The following ZNF726 variants were observed in gnomAD, a reference collection of about 807,000 sequenced individuals.
ZNF726 encodes zinc finger protein 92 pseudogene 3.
Under a neutral mutation model 11.6 loss-of-function variants are expected in ZNF726, and 15 were observed. That is an observed-to-expected ratio of 1.29 (90% CI 0.86 to 1.99). The LOEUF is 1.99. Among genes scored for constraint, ZNF726 ranks in the 30% most tolerant of loss-of-function variants. The probability of loss-of-function intolerance (pLI) is 0.00; values close to 1 mark genes in which losing one functional copy is unlikely to be tolerated. For missense variants in ZNF726, 890 were observed against 725.6 expected (o/e 1.23, Z -2.60); for synonymous variants, 295 against 243.6 (o/e 1.21, Z -1.96).
intron 1 of ZNF726, chr19:23,918,980 T>C (rs1386187843): frequency 2.6e-5 from 5 of 189,860 alleles, no homozygotes; most frequent in African/African-American, 1.2e-4. Context: ...ATTGTACACA[T>C]TTAAATTTGA....
chr19:23,920,047 A>G lies in ZNF726; in HGVS notation c.191A>G (p.Asn64Ser), dbSNP rs1488498258. Residue 64 changes from asparagine (N) to serine (S), a missense_variant, in exon 3 of 4, where the codon AAT (asparagine) becomes AGT (serine). Transcript: ENST00000594466. ...ICLEKEKEPW[N>S]MKRDEMVDEP... ...CTGGAGAAAGAAAAAGAGCCCTGGA[A>G]TATGAAGCGAGATGAGATGGTGGAT... is the stretch of plus-strand genomic sequence containing the variant. 4 of 1,589,274 alleles carry G rather than the reference A, an allele frequency of 2.5e-6. No individual in the cohort carries two copies. Among genetic ancestry groups the G allele is most frequent in the South Asian group, 1.1e-5 (1 of 90,796 alleles).
At chr19:23,926,838 G>A (rs1476852959) in intron 3 of ZNF726, among the ~76,000 whole-genome samples, 2 of 151,898 alleles carry the variant, frequency 1.3e-5, no homozygotes, top group South Asian at 2.1e-4. Context: ...AATTGTTTTT[G>A]TTATTGTTGA....
At chr19:23,919,578 T>A in intron 2 of ZNF726, 79 bp downstream of exon 2, 3 of 1,456,208 alleles carry the variant, frequency 2.1e-6, no homozygotes, top group Non-Finnish European at 2.7e-6. Flanking sequence ...TTCTGGTAAT[T>A]TATGCTTTCC....
intron 3 of ZNF726, among the ~76,000 whole-genome samples, chr19:23,942,204 T>C (rs1262123406): frequency 6.6e-6 from 1 of 152,134 alleles, no homozygotes; most frequent in Admixed American, 6.5e-5. Flanking sequence ...TCCATATTGG[T>C]TTTGTTTTTG....
chr19:23,933,109 TA>T lies in ZNF726; in HGVS notation c.995del (p.Lys332ArgfsTer30). 6.2e-7 allele frequency: 1 copy of T among 1,612,180 alleles called. No homozygotes were observed. Among genetic ancestry groups the T allele is most frequent in the Non-Finnish European group, 8.5e-7 (1 of 1,179,944 alleles). On this transcript the variant is annotated frameshift_variant, in exon 4 of 4. Coordinates refer to ENST00000594466, the MANE Select transcript of ZNF726 (RefSeq NM_001244038.2). LOFTEE classifies it low-confidence loss of function (END_TRUNC). ...TTTGGTCCTCAACCCTAACTAGACATAAGAGGCTGCACAGTGGAGAGAAACC... is the reference window on the plus strand; with the variant it reads ...TTTGGTCCTCAACCCTAACTAGACATAGAGGCTGCACAGTGGAGAGAAACC... ...FVWSSTLTRH[K>X]RLHSGEKPYK...
intron 3 of ZNF726, 159 bp downstream of exon 3, chr19:23,920,241 C>G (rs1188606020): frequency 2.2e-5 from 9 of 406,556 alleles, no homozygotes; most frequent in African/African-American, 1.7e-4. Flanking sequence ...GGGGCATCTT[C>G]TGCTTATGCT....
In ZNF726 at chr19:23,919,987, G is replaced by A. The variant is rs1308191623; in HGVS notation, c.131G>A (p.Gly44Asp). Residue 44 changes from glycine (G) to aspartate (D), a missense_variant and splice_region_variant, in exon 3 of 4, where the codon GGT (glycine) becomes GAT (aspartate). Transcript: ENST00000594466. ...LENYRNLAFL[G>D]IAVSKPDLII... The stretch of plus-strand genomic sequence containing the variant: ...ATGTTAATTATTTTTAATAAAACAG[G>A]TATTGCTGTCTCTAAGCCAGACCTC... The A allele has an allele frequency of 1.8e-5, 29 of 1,567,740 alleles. No homozygotes were observed. Among genetic ancestry groups the A allele is most frequent in the African/African-American group, 2.7e-5 (2 of 73,604 alleles).
At chr19:23,939,445 T>C (rs889178579), downstream of ZNF726, among the ~76,000 whole-genome samples, 1 of 152,186 alleles carries the variant, frequency 6.6e-6, no homozygotes, top group Non-Finnish European at 1.5e-5. Flanking sequence ...CAAGTTTCTT[T>C]TTCAAATAAT....
intron 1 of ZNF726, among the ~76,000 whole-genome samples, chr19:23,917,493 GAA>G (rs11297783): frequency 0.2 from 28,042 of 139,940 alleles, 2,769 homozygotes; most frequent in African/African-American, 0.25. Context: ...AAGAAAAAAA[GAA>G]AAAAAAAAAA....
At chr19:23,936,998 C>T (rs955576875), downstream of ZNF726, among the ~76,000 whole-genome samples, 31 of 151,928 alleles carry the variant, frequency 2.0e-4, no homozygotes, top group African/African-American at 6.7e-4. Context: ...GGGTGGTGGC[C>T]GGGCAGAGGG....
rs1968136005 is a variant in ZNF726, at chr19:23,932,689, TA to T, written c.577del (p.Ser193AlafsTer57). ...FCMFSHKTQHKSIYTTEKSYK... is the reference protein window; with the variant it reads ...FCMFSHKTQHXSIYTTEKSYK... ...GCATGTTTTCACACAAAACCCAGCA[TA>T]AAAGCATATATACTACAGAGAAGTC... On this transcript the variant is annotated frameshift_variant, in exon 4 of 4. Coordinates refer to ENST00000594466, the MANE Select transcript of ZNF726 (RefSeq NM_001244038.2). LOFTEE classifies it low-confidence loss of function (END_TRUNC). 1.1e-5 allele frequency: 17 copies of T among 1,594,328 alleles called. No homozygotes were observed. Among genetic ancestry groups the T allele is most frequent in the Non-Finnish European group, 1.3e-5 (15 of 1,174,302 alleles).
At chr19:23,927,413 C>G (rs897983942) in intron 3 of ZNF726, among the ~76,000 whole-genome samples, 9 of 151,972 alleles carry the variant, frequency 5.9e-5, no homozygotes, top group African/African-American at 1.9e-4. Flanking sequence ...CTTTTAATTT[C>G]TAGTTTAATT....
intron 1 of ZNF726, among the ~76,000 whole-genome samples, chr19:23,916,842 A>G (rs1003721422): frequency 6.6e-6 from 1 of 151,704 alleles, no homozygotes; most frequent in East Asian, 1.9e-4. Context: ...ACGTATCTTC[A>G]GTCACACTTC....
chr19:23,916,999 G>A (rs1202491039), intron 1 of ZNF726, among the ~76,000 whole-genome samples: 2 of 152,200 alleles, frequency 1.3e-5, no homozygotes, highest in African/African-American at 4.8e-5. Context: ...CACCCAGGCT[G>A]GAGTAAAGTG....
chr19:23,930,105 T>C, intron 3 of ZNF726, among the ~76,000 whole-genome samples: 1 of 151,802 alleles, frequency 6.6e-6, no homozygotes. Flanking sequence ...CCATGTACCA[T>C]TTTTTTTGGT....
chr19:23,933,218 C>A lies in ZNF726; in HGVS notation c.1102C>A (p.Pro368Thr). 2 of 1,613,216 alleles carry A rather than the reference C, an allele frequency of 1.2e-6. No individual in the cohort carries two copies. The highest frequency in any genetic ancestry group is 1.7e-6 in the Non-Finnish European group (2 of 1,179,990). Residue 368 changes from proline (P) to threonine (T), a missense_variant, in exon 4 of 4, where the codon CCC becomes ACC. Coordinates refer to ENST00000594466, the MANE Select transcript of ZNF726 (RefSeq NM_001244038.2). ...TAGGATAATTCATACTGGAGAGAAACCCTACAAATGTGAAGAATGTGGCAA... is the reference window on the plus strand; with the variant it reads ...TAGGATAATTCATACTGGAGAGAAAACCTACAAATGTGAAGAATGTGGCAA... The part of the protein sequence containing the change: ...THRIIHTGEK[P>T]YKCEECGKAF...
chr19:23,919,348 A>G, intron 1 of ZNF726, 25 bp from the exon 2 acceptor site: 3 of 1,596,082 alleles, frequency 1.9e-6, no homozygotes, highest in Non-Finnish European at 2.6e-6. Context: ...CTTTGTAAAT[A>G]TGTGTGTTTG....
chr19:23,924,302 C>T (rs576915826), intron 3 of ZNF726, among the ~76,000 whole-genome samples: 30 of 152,046 alleles, frequency 2.0e-4, no homozygotes, highest in Non-Finnish European at 3.7e-4. Context: ...GAAATGCCCA[C>T]CTTGGCCTCT....
chr19:23,927,155 CG>C (rs1968006835), intron 3 of ZNF726, among the ~76,000 whole-genome samples: 1 of 151,662 alleles, frequency 6.6e-6, no homozygotes, highest in African/African-American at 2.4e-5. Flanking sequence ...TTAGTAGAGA[CG>C]GGGTTTCACT....
Sources: allele counts gnomAD v4.1 joint callset (sites outside exome capture counted in the v4.1 genomes callset), GRCh38; gene constraint gnomAD v4.1.1; transcripts MANE v1.5; gene names NCBI Gene and HGNC (gene_info 2026-07-23, HGNC 2026-07-21).